Variants in IL1RAPL1 observed in about 807,000 individuals in gnomAD.
The protein encoded by IL1RAPL1 is interleukin 1 receptor accessory protein like 1, also known as interleukin-1 receptor accessory protein-like 1.
In IL1RAPL1, 3 loss-of-function variants were observed where a neutral mutation model predicts 48.4. The observed-to-expected ratio is 0.06, with a 90% CI of 0.03 to 0.16. The LOEUF (loss-of-function observed/expected upper bound fraction) is 0.16. Ranked by LOEUF, IL1RAPL1 falls within the 10% of genes least tolerant of loss-of-function variation. IL1RAPL1 has a pLI of 1.00. For missense variants in IL1RAPL1, 349 were observed against 530.6 expected (o/e 0.66, Z 3.36); for synonymous variants, 185 against 187.7 (o/e 0.99, Z 0.12).
intron 5 of IL1RAPL1, among the ~76,000 whole-genome samples, chrX:29,543,619 CATTTA>C (rs1921514894): frequency 9.1e-6 from 1 of 110,435 alleles, no homozygotes; most frequent in Admixed American, 9.7e-5. Flanking sequence ...ACTCAACAGT[CATTTA>C]ACTTTCTCTG....
At chrX:29,138,592 A>T (rs762063868) in intron 2 of IL1RAPL1, among the ~76,000 whole-genome samples, 70 of 98,987 alleles carry the variant, frequency 7.1e-4, no homozygotes, top group African/African-American at 2.3e-3. Flanking sequence ...ACATGGTGAA[A>T]CCCCATCTCT....
chrX:29,617,091 G>A (rs762836839), intron 5 of IL1RAPL1, among the ~76,000 whole-genome samples: 2 of 111,149 alleles, frequency 1.8e-5, no homozygotes, highest in African/African-American at 3.3e-5. Flanking sequence ...AGCATGTAGC[G>A]CTGACTCACT....
rs142111875 is a variant in IL1RAPL1 at position 29,456,810 on chromosome X, A to C, written c.703+57502A>C. On this transcript the variant is annotated intron_variant, in intron 5 of 10. Coordinates refer to ENST00000378993, the MANE Select transcript of IL1RAPL1 (RefSeq NM_014271.4). ...AGATATTTTTTCTAATAACACTTGA[A>C]ATTGCGTTTTTAAATTGTTTTATGG... Among the ~76,000 whole-genome samples the C allele has an allele frequency of 1.9e-4, 21 of 111,576 alleles. No individual in the cohort carries two copies. The South Asian group carries it at 6.0e-3, about 32-fold the overall frequency.
intron 2 of IL1RAPL1, among the ~76,000 whole-genome samples, chrX:29,220,962 AGTGCAGTG>A (rs1196420268): frequency 9.0e-6 from 1 of 111,011 alleles, no homozygotes; most frequent in Non-Finnish European, 1.9e-5. Flanking sequence ...CCCAGGCTAG[AGTGCAGTG>A]GTGCAATCTT....
intron 2 of IL1RAPL1, among the ~76,000 whole-genome samples, chrX:29,132,241 T>A (rs1202564459): frequency 4.5e-5 from 5 of 111,568 alleles, no homozygotes; most frequent in African/African-American, 1.6e-4. Flanking sequence ...ATAAACAATG[T>A]GCTTATTAAT....
chrX:28,963,256 G>C lies in IL1RAPL1; in HGVS notation c.82+173831G>C, dbSNP rs1231940453. ...GAGTGCAACTTGTTTTTGCTGCCTAGAAGTATATTATACTTTTTTCTTTGC... is the reference window on the plus strand; with the variant it reads ...GAGTGCAACTTGTTTTTGCTGCCTACAAGTATATTATACTTTTTTCTTTGC... On this transcript the variant is annotated intron_variant, in intron 2 of 10. Transcript: ENST00000378993. Among the ~76,000 whole-genome samples the C allele has an allele frequency of 5.4e-5, 6 of 111,025 alleles. No individual in the cohort carries two copies. In the Admixed American group the frequency reaches 5.8e-4, roughly 11 times the overall value.
rs1928152195 is a variant in IL1RAPL1, at chrX:29,739,883, A to G, written c.778+71379A>G. ...AGAGCAGCCTGGTCAACACAGTGAA[A>G]CCCTATCTCTACTAAAAATACAAAA... On this transcript the variant is annotated intron_variant, in intron 6 of 10. Coordinates refer to ENST00000378993, the MANE Select transcript of IL1RAPL1 (RefSeq NM_014271.4). 8.2e-5 allele frequency among the ~76,000 whole-genome samples: 9 copies of G among 109,756 alleles called. No individual in the cohort carries two copies. In the Admixed American group the frequency reaches 8.8e-4, roughly 11 times the overall value.
At chrX:28,873,687 A>ATG (rs1922283460) in intron 2 of IL1RAPL1, among the ~76,000 whole-genome samples, 2 of 106,891 alleles carry the variant, frequency 1.9e-5, no homozygotes, top group Admixed American at 1.0e-4. Context: ...GCCCGCCACC[A>ATG]CAGCCGGCTA....
At chrX:28,740,669 C>A (rs1935895600) in intron 1 of IL1RAPL1, among the ~76,000 whole-genome samples, 2 of 110,641 alleles carry the variant, frequency 1.8e-5, no homozygotes, top group African/African-American at 6.6e-5. Flanking sequence ...CTCAACTAGG[C>A]CCCAGTGTCT....
chrX:29,482,733 A>G (rs1483518472), intron 5 of IL1RAPL1, among the ~76,000 whole-genome samples: 2 of 112,006 alleles, frequency 1.8e-5, no homozygotes, highest in Admixed American at 1.9e-4. Context: ...AACTTTTATT[A>G]CGGGACTTTC....
At chrX:29,220,920 T>C (rs971066752) in intron 2 of IL1RAPL1, among the ~76,000 whole-genome samples, 1 of 111,371 alleles carries the variant, frequency 9.0e-6, no homozygotes, top group African/African-American at 3.3e-5. Flanking sequence ...TCTTTTCCTT[T>C]TTTCTTTTTA....
intron 1 of IL1RAPL1, among the ~76,000 whole-genome samples, chrX:28,677,745 G>A (rs923227078): frequency 2.7e-5 from 3 of 110,857 alleles, no homozygotes; most frequent in Non-Finnish European, 3.8e-5. Flanking sequence ...GTACCACGAA[G>A]CCCAACTAAT....
chrX:28,729,610 G>A (rs889314152), intron 1 of IL1RAPL1, among the ~76,000 whole-genome samples: 5 of 110,628 alleles, frequency 4.5e-5, no homozygotes, highest in African/African-American at 1.6e-4. Flanking sequence ...AGATATAGTT[G>A]CCCAATTAAA....
intron 2 of IL1RAPL1, among the ~76,000 whole-genome samples, chrX:28,803,351 C>T (rs1288376165): frequency 9.0e-6 from 1 of 111,251 alleles, no homozygotes; most frequent in Non-Finnish European, 1.9e-5. Context: ...GGTTTTCCTG[C>T]TGGTCTATTG....
chrX:29,183,774 A>G (rs1320415204), intron 2 of IL1RAPL1, among the ~76,000 whole-genome samples: 1 of 112,134 alleles, frequency 8.9e-6, no homozygotes, highest in Admixed American at 9.5e-5. Context: ...GCTCACTGCA[A>G]CTTCTGCCTC....
At chrX:28,688,125 A>C (rs1418088294) in intron 1 of IL1RAPL1, among the ~76,000 whole-genome samples, 4 of 102,332 alleles carry the variant, frequency 3.9e-5, no homozygotes, top group African/African-American at 1.4e-4. Flanking sequence ...AAAAAAAAAG[A>C]GAAAATATAG....
chrX:28,839,227 A>G (rs975181009), intron 2 of IL1RAPL1, among the ~76,000 whole-genome samples: 2 of 111,358 alleles, frequency 1.8e-5, no homozygotes, highest in African/African-American at 6.5e-5. Context: ...AATTTTCCAG[A>G]ATTTTAGTAA....
rs3066657 is a variant in IL1RAPL1 at position 28,971,876 on chromosome X, TTGTGTGTGTGTGTGTG to T, written c.82+182477_82+182492del. Among the ~76,000 whole-genome samples the T allele has an allele frequency of 8.3e-5, 7 of 84,478 alleles. No individual in the cohort carries two copies. In the East Asian group the frequency reaches 2.5e-3, roughly 30 times the overall value. 73.4% of individuals were successfully genotyped at this position (84,478 alleles called of 115,157 possible). The stretch of plus-strand genomic sequence containing the variant: ...GACAGAAAACAAATAACTCTGAAAA[TTGTGTGTGTGTGTGTG>T]TGTGTGTGTGTGTGTGTGTGTGTGT... On this transcript the variant is annotated intron_variant, in intron 2 of 10. Coordinates refer to ENST00000378993, the MANE Select transcript of IL1RAPL1 (RefSeq NM_014271.4).
intron 2 of IL1RAPL1, among the ~76,000 whole-genome samples, chrX:28,868,519 A>G (rs1166879976): frequency 2.7e-5 from 3 of 110,188 alleles, no homozygotes; most frequent in African/African-American, 9.9e-5. Context: ...TTCTATAACC[A>G]TTTCTCAAGC....
Sources: gnomAD v4.1 joint callset for allele counts (sites outside exome capture counted in the v4.1 genomes callset) on GRCh38, gnomAD v4.1.1 for gene constraint, MANE v1.5 for transcripts, NCBI Gene and HGNC (gene_info 2026-07-23, HGNC 2026-07-21) for gene names.